Variants in MTAP observed in about 807,000 individuals in gnomAD.
MTAP encodes S-methyl-5'-thioadenosine phosphorylase.
Under a neutral mutation model 33.6 loss-of-function variants are expected in MTAP, and 33 were observed. The observed-to-expected ratio is 0.98, with a 90% CI of 0.74 to 1.31. MTAP has a LOEUF of 1.31. Ranked by LOEUF, MTAP falls within the 40% of genes most tolerant of loss-of-function variation. The pLI is 0.00. For synonymous variants in MTAP, 148 were observed against 125.7 expected, an observed-to-expected ratio of 1.18 and a Z score of -1.19; for missense variants, 367 against 360.0, an observed-to-expected ratio of 1.02 and a Z score of -0.16.
intron 1 of MTAP, among the ~76,000 whole-genome samples, chr9:21,805,837 T>A (rs1824194198): frequency 6.6e-6 from 1 of 152,170 alleles, no homozygotes; most frequent in South Asian, 2.1e-4. Context: ...TCCTAAGATA[T>A]TTTGTTATAG....
intron 1 of MTAP, among the ~76,000 whole-genome samples, chr9:21,912,888 C>T (rs888758030): frequency 6.0e-4 from 92 of 152,136 alleles, no homozygotes; most frequent in Non-Finnish European, 1.2e-3. Flanking sequence ...AAAACCCCAT[C>T]GTCTCAGTCC....
At position 21,861,994 on chromosome 9, in the gene MTAP, G is replaced by A. The variant is rs951972481; in HGVS notation, c.832G>A (p.Val278Ile). Residue 278 changes from valine (V) to isoleucine (I), a missense_variant, in exon 8 of 8, where the codon GTT becomes ATT. Val to Ile is a conservative substitution (Grantham distance 29, BLOSUM62 3). Coordinates refer to ENST00000644715, the MANE Select transcript of MTAP (RefSeq NM_002451.4). ...CTTTCAGAATATGGCCCAGTTTTCT[G>A]TTTTATTACCAAGACATTAAAGTAG... ...HNLKNMAQFSVLLPRH is the reference protein window; with the variant it reads ...HNLKNMAQFSILLPRH The A allele has an allele frequency of 1.2e-6, 2 of 1,605,716 alleles. No individual in the cohort carries two copies. Among genetic ancestry groups the A allele is most frequent in the Non-Finnish European group, 1.7e-6 (2 of 1,173,062 alleles).
Position 21,915,055 on chromosome 9 carries a change from C to CCTTTCTTT in MTAP, c.148-15931_148-15924dup, listed in dbSNP as rs1222666142. On this transcript the variant is annotated intron_variant, in intron 1 of 1. Transcript: ENST00000577563. ...TCCTTCCTTCCTTCCTTCCTTCCTT[C>CCTTTCTTT]CTTTCTTTCTTTCTTTCTTTCTTTC... 7.7e-4 allele frequency among the ~76,000 whole-genome samples: 20 copies of CCTTTCTTT among 25,880 alleles called. 2 individuals are homozygous for CCTTTCTTT. Among genetic ancestry groups the CCTTTCTTT allele is most frequent in the African/African-American group, 1.5e-3 (9 of 5,866 alleles). 17.0% of individuals were successfully genotyped at this position (25,880 alleles called of 152,430 possible).
chr9:21,823,655 G>A (rs1824706804), intron 4 of MTAP, among the ~76,000 whole-genome samples: 2 of 152,048 alleles, frequency 1.3e-5, no homozygotes, highest in South Asian at 4.1e-4. Context: ...TTGAATGTTG[G>A]CCTGCCTTGC....
chr9:21,811,218 G>A (rs1024162957), intron 1 of MTAP, among the ~76,000 whole-genome samples: 4 of 152,084 alleles, frequency 2.6e-5, no homozygotes, highest in Admixed American at 6.5e-5. Flanking sequence ...GGTTCCTTAC[G>A]GCAGTGTGCC....
chr9:21,872,486 A>G (rs1293290234), intron 1 of MTAP, among the ~76,000 whole-genome samples: 1 of 152,174 alleles, frequency 6.6e-6, no homozygotes, highest in Non-Finnish European at 1.5e-5. Flanking sequence ...ATTTTCATTC[A>G]TTGTTGATTC....
rs548006947 is a variant in MTAP, at chr9:21,864,566, T to A, written c.*2552T>A. ...GCATGGATTTTCATGGTTTTGAGAA[T>A]GACATCCTGGCCCTGTGGTCCCCGA... On this transcript the variant is annotated 3_prime_UTR_variant, in exon 8 of 8. Transcript: ENST00000644715. The A allele has an allele frequency of 1.0e-6, 1 of 985,536 alleles. No homozygotes were observed. The highest frequency in any genetic ancestry group is 4.7e-5 in the South Asian group (1 of 21,290). The allele number at this position is 985,536 out of a possible 1,614,324, so 61.0% of individuals were successfully genotyped here.
chr9:21,929,547 G>T, intron 1 of MTAP: 1 of 340,926 alleles, frequency 2.9e-6, no homozygotes, highest in Admixed American at 2.7e-5. Flanking sequence ...CTCAGCAATT[G>T]CTCCAAAACA....
intron 3 of MTAP, 73 bp downstream of exon 3, chr9:21,816,845 T>TA: frequency 7.7e-7 from 1 of 1,299,816 alleles, no homozygotes. Context: ...CTGGAAAGAG[T>TA]AAAGATACAG....
chr9:21,841,261 C>T (rs1392236657), intron 5 of MTAP, among the ~76,000 whole-genome samples: 1 of 152,244 alleles, frequency 6.6e-6, no homozygotes, highest in African/African-American at 2.4e-5. Flanking sequence ...TTAGAGCCCC[C>T]TACTCCTTCT....
chr9:21,821,909 A>T (rs1257268136), intron 4 of MTAP, among the ~76,000 whole-genome samples: 6 of 152,106 alleles, frequency 3.9e-5, no homozygotes, highest in African/African-American at 7.2e-5. Flanking sequence ...TTTCTAGTTT[A>T]TTTGCATAGA....
chr9:21,905,382 C>T (rs558029920), intron 1 of MTAP, among the ~76,000 whole-genome samples: 7 of 151,912 alleles, frequency 4.6e-5, no homozygotes, highest in South Asian at 2.1e-4. Context: ...TTCCCTGCCC[C>T]CCTCCCTGTA....
intron 1 of MTAP, among the ~76,000 whole-genome samples, chr9:21,810,603 T>C (rs1052380744): frequency 6.6e-6 from 1 of 152,168 alleles, no homozygotes. Context: ...ATCACTATAT[T>C]TGGGGACCAA....
chr9:21,863,274 C>T lies in MTAP; in HGVS notation c.*1260C>T. 4.1e-6 allele frequency: 4 copies of T among 983,828 alleles called. No homozygotes were observed. Among genetic ancestry groups the T allele is most frequent in the Non-Finnish European group, 4.8e-6 (4 of 828,554 alleles). The allele number at this position is 983,828 out of a possible 1,614,324, so 60.9% of individuals were successfully genotyped here. A position where few individuals can be genotyped will look rare whatever the true frequency, so the allele number is the denominator to read the frequency against. On this transcript the variant is annotated 3_prime_UTR_variant, in exon 8 of 8. Coordinates refer to ENST00000644715, the MANE Select transcript of MTAP (RefSeq NM_002451.4). Reference sequence around the variant, plus strand: ...TTTTTGCTTTTTAATAAAGTGGAAGCTTGCTTTTTTAACTCTTTTTTTATT... The same window carrying T: ...TTTTTGCTTTTTAATAAAGTGGAAGTTTGCTTTTTTAACTCTTTTTTTATT...
intron 1 of MTAP, among the ~76,000 whole-genome samples, chr9:21,904,096 C>T (rs1418032608): frequency 2.6e-5 from 4 of 152,172 alleles, no homozygotes; most frequent in Admixed American, 2.6e-4. Context: ...CCTGGGCGGC[C>T]TGGGCTGTCC....
chr9:21,895,261 T>A lies in MTAP; in HGVS notation c.148-35747T>A, dbSNP rs149889036. Among the ~76,000 whole-genome samples the A allele has an allele frequency of 8.5e-5, 13 of 152,292 alleles. No individual in the cohort carries two copies. The East Asian group carries it at 2.5e-3, about 29-fold the overall frequency. ...GAACAAAGCTAGAGGCATCAGACAC[T>A]ACCTGACTTCAAAGTACACTACAAG... On this transcript the variant is annotated intron_variant, in intron 1 of 1. Coordinates refer to the MTAP transcript ENST00000577563.
At chr9:21,912,811 G>T (rs1305553366) in intron 1 of MTAP, among the ~76,000 whole-genome samples, 1 of 152,074 alleles carries the variant, frequency 6.6e-6, no homozygotes, top group Non-Finnish European at 1.5e-5. Flanking sequence ...AGATATAAAG[G>T]GTATTCACTT....
chr9:21,886,045 T>C (rs930632833), intron 1 of MTAP, among the ~76,000 whole-genome samples: 2 of 152,106 alleles, frequency 1.3e-5, no homozygotes, highest in Non-Finnish European at 2.9e-5. Flanking sequence ...CACACTGTTT[T>C]CCACAGTGGT....
chr9:21,865,471 C>A lies in MTAP; in HGVS notation c.*3457C>A. On this transcript the variant is annotated 3_prime_UTR_variant, in exon 8 of 8. Coordinates refer to ENST00000644715, the MANE Select transcript of MTAP (RefSeq NM_002451.4). The stretch of plus-strand genomic sequence containing the variant: ...CTCAAATGTTTTGAAGATTGTTGCA[C>A]CTTGGAACTACCAGTGTGCACACAA... The A allele has an allele frequency of 6.1e-6, 6 of 985,452 alleles. No homozygotes were observed. Among genetic ancestry groups the A allele is most frequent in the Non-Finnish European group, 7.2e-6 (6 of 829,936 alleles). 61.0% of individuals were successfully genotyped at this position (985,452 alleles called of 1,614,324 possible).
Sources: allele counts gnomAD v4.1 joint callset (sites outside exome capture counted in the v4.1 genomes callset), GRCh38; gene constraint gnomAD v4.1.1; transcripts MANE v1.5; gene names NCBI Gene and HGNC (gene_info 2026-07-23, HGNC 2026-07-21).